GRIN2B: variants seen among roughly 807,000 people sequenced by gnomAD.
GRIN2B encodes glutamate receptor ionotropic, NMDA 2B.
A neutral mutation model predicts 114.5 loss-of-function variants in GRIN2B; 5 were observed. The observed-to-expected ratio is 0.04, with a 90% CI of 0.02 to 0.09. GRIN2B has a LOEUF of 0.09. Ranked by LOEUF, GRIN2B falls within the 10% of genes least tolerant of loss-of-function variation. The pLI, the probability that GRIN2B is intolerant of heterozygous loss-of-function variation, is 1.00. For synonymous variants in GRIN2B, 787 were observed against 745.1 expected, an observed-to-expected ratio of 1.06 and a Z score of -0.92; for missense variants, 1,108 against 1,943.5, an observed-to-expected ratio of 0.57 and a Z score of 8.08.
chr12:13,879,518 T>TA (rs55823008), intron 2 of GRIN2B, among the ~76,000 whole-genome samples: 6,079 of 139,734 alleles, frequency 0.044, 183 homozygotes, highest in African/African-American at 0.08. Flanking sequence ...TTAGAATTAG[T>TA]AAAAAAAAAA....
At chr12:13,961,280 G>C (rs1204496225) in intron 2 of GRIN2B, among the ~76,000 whole-genome samples, 2 of 152,032 alleles carry the variant, frequency 1.3e-5, no homozygotes, top group Admixed American at 1.3e-4. Flanking sequence ...CACACTGAGA[G>C]GTAAGGTCAG....
intron 2 of GRIN2B, among the ~76,000 whole-genome samples, chr12:13,866,579 A>G (rs1865832539): frequency 6.6e-6 from 1 of 152,182 alleles, no homozygotes. Flanking sequence ...CCACCCTTGT[A>G]CTGTTCTTGG....
intron 4 of GRIN2B, among the ~76,000 whole-genome samples, chr12:13,688,198 G>C (rs561907613): frequency 6.6e-6 from 1 of 152,286 alleles, no homozygotes; most frequent in South Asian, 2.1e-4. Flanking sequence ...GCAATGGTCA[G>C]TAGAGAAGAA....
In GRIN2B at chr12:13,563,553, C is replaced by T. The variant is rs1948582128; in HGVS notation, c.3685G>A (p.Val1229Met). Residue 1229 changes from valine (V) to methionine (M), a missense_variant, in exon 14 of 14, where the codon GTG becomes ATG. Around this residue, in one of 19 missense-constraint regions of GRIN2B, gnomAD observed 478 missense variants for 506.0 expected, o/e 0.94. Transcript: ENST00000609686. ...PSKLHNYSTTVTGQNSGRQAC... is the reference protein window; with the variant it reads ...PSKLHNYSTTMTGQNSGRQAC... ...TGCCTGCCCGAGTTCTGACCCGTCA[C>T]CGTCGTGGAGTAGTTGTGCAGCTTG... The T allele has an allele frequency of 2.5e-6, 4 of 1,614,038 alleles. No individual in the cohort carries two copies. The Admixed American group carries it at 6.7e-5, about 27-fold the overall frequency.
chr12:13,839,666 G>T (rs1453856886), intron 3 of GRIN2B, among the ~76,000 whole-genome samples: 1 of 152,160 alleles, frequency 6.6e-6, no homozygotes, highest in East Asian at 1.9e-4. Flanking sequence ...GGAAGCCCCA[G>T]GTGTCAGACA....
chr12:13,714,119 G>A (rs965862962), intron 4 of GRIN2B, among the ~76,000 whole-genome samples: 1 of 151,786 alleles, frequency 6.6e-6, no homozygotes, highest in Non-Finnish European at 1.5e-5. Flanking sequence ...AAGTGGGAGG[G>A]CATAAGATTC....
chr12:13,970,686 A>ACAC (rs1555163300), intron 2 of GRIN2B, among the ~76,000 whole-genome samples: 2 of 145,052 alleles, frequency 1.4e-5, no homozygotes, highest in African/African-American at 2.6e-5. Context: ...GCAGGCTCTA[A>ACAC]ACACACACAC....
chr12:13,822,603 C>T (rs550579938), intron 3 of GRIN2B, among the ~76,000 whole-genome samples: 3 of 151,964 alleles, frequency 2.0e-5, no homozygotes, highest in Non-Finnish European at 2.9e-5. Context: ...AAGCACTTTA[C>T]AACACCTCTG....
At position 13,844,195 on chromosome 12, in the gene GRIN2B, G is replaced by A. The variant is rs111935876; in HGVS notation, c.411+21603C>T. ...GAGGGGACGGATAAGGTGAGAGGCTGTAGACTTAACTTGGTCATATTTGGC... is the reference window on the plus strand; with the variant it reads ...GAGGGGACGGATAAGGTGAGAGGCTATAGACTTAACTTGGTCATATTTGGC... On this transcript the variant is annotated intron_variant, in intron 3 of 13. Transcript: ENST00000609686. Among the ~76,000 whole-genome samples, 1,006 of 152,328 alleles carry A rather than the reference G, an allele frequency of 6.6e-3. 11 individuals are homozygous for A. Among genetic ancestry groups the A allele is most frequent in the African/African-American group, 0.023 (957 of 41,576 alleles).
intron 5 of GRIN2B, among the ~76,000 whole-genome samples, chr12:13,653,120 A>G (rs1949831815): frequency 6.6e-6 from 1 of 152,176 alleles, no homozygotes; most frequent in South Asian, 2.1e-4. Context: ...GATAAAAGAG[A>G]AAATAAAGAA....
Position 13,615,538 on chromosome 12 carries a change from C to T in GRIN2B, c.1455G>A (p.Lys485=), listed in dbSNP as rs1565477764. The T allele has an allele frequency of 2.5e-6, 4 of 1,613,660 alleles. 1 individual carries two copies. The South Asian group carries it at 4.4e-5, about 18-fold the overall frequency. Residue 485 remains lysine (K), a synonymous_variant, in exon 7 of 14, where the codon AAG becomes AAA. Transcript: ENST00000609686. This position sits in a 1 kb window ranked among gnomAD's most constrained non-coding sequence, Gnocchi z 5.8. ...AGGTTCCATTGATTTTCTTCCCATG[C>T]TTGCCATTGGTAACCAGGTAAAGGT... ...TYDLYLVTNG[K]HGKKINGTWN...
Position 13,753,157 on chromosome 12 carries a change from A to T in GRIN2B, c.1010+160T>A, listed in dbSNP as rs772728926. 6.6e-6 allele frequency among the ~76,000 whole-genome samples: 1 copy of T among 152,212 alleles called. No homozygotes were observed. The highest frequency in any genetic ancestry group is 1.5e-5 in the Non-Finnish European group (1 of 68,030). On this transcript the variant is annotated intron_variant, in intron 4 of 13. Transcript: ENST00000609686. This position sits in a 1 kb window ranked among gnomAD's most constrained non-coding sequence, Gnocchi z 6.2. Reference sequence around the variant, plus strand: ...AAGTTGTTTTGGCAAGGTTGGATCCAAAACACTCCCCCAATCATGACCAAT... The same window carrying T: ...AAGTTGTTTTGGCAAGGTTGGATCCTAAACACTCCCCCAATCATGACCAAT...
chr12:13,721,586 G>A (rs1443451529), intron 4 of GRIN2B, among the ~76,000 whole-genome samples: 1 of 151,990 alleles, frequency 6.6e-6, no homozygotes, highest in Non-Finnish European at 1.5e-5. Flanking sequence ...ACTAGAAAAG[G>A]AGCAATTTGA....
chr12:13,563,890 G>C lies in GRIN2B; in HGVS notation c.3348C>G (p.Ser1116=). 6.2e-7 allele frequency: 1 copy of C among 1,614,122 alleles called. No individual in the cohort carries two copies. The highest frequency in any genetic ancestry group is 1.1e-5 in the South Asian group (1 of 91,090). ...CCCTGAAGTAGCGCTTGTGGTCAGG[G>C]GAGCGGGGCGGTCGGCGACGGTAGG... is the stretch of plus-strand genomic sequence containing the variant. ...ELAYRRRPPR[S]PDHKRYFRDK... is the part of the protein sequence containing the mutation. The change falls in exon 14 of 14, where the codon TCC becomes TCG. Residue 1116 remains serine (S), a synonymous_variant. Coordinates refer to ENST00000609686, the MANE Select transcript of GRIN2B (RefSeq NM_000834.5).
At chr12:13,787,350 C>G (rs1864238890) in intron 3 of GRIN2B, among the ~76,000 whole-genome samples, 1 of 152,152 alleles carries the variant, frequency 6.6e-6, no homozygotes, top group Non-Finnish European at 1.5e-5. Context: ...AAGGAAATGG[C>G]AAGTACAATG....
intron 5 of GRIN2B, among the ~76,000 whole-genome samples, chr12:13,631,821 G>A (rs1472018185): frequency 6.6e-6 from 1 of 152,234 alleles, no homozygotes; most frequent in East Asian, 1.9e-4. Context: ...GGGGTTGCCA[G>A]CTTGTGGCTA....
intron 4 of GRIN2B, among the ~76,000 whole-genome samples, chr12:13,693,181 T>C (rs987807513): frequency 1.3e-5 from 2 of 152,150 alleles, no homozygotes; most frequent in East Asian, 1.9e-4. Flanking sequence ...AGAGAGATAC[T>C]ATAGGAACTT....
At chr12:13,890,398 G>T (rs550972513) in intron 2 of GRIN2B, among the ~76,000 whole-genome samples, 1 of 152,194 alleles carries the variant, frequency 6.6e-6, no homozygotes, top group South Asian at 2.1e-4. Context: ...GCCATATTGG[G>T]GATCTGTAAG....
At chr12:13,774,955 A>G (rs541356541) in intron 3 of GRIN2B, among the ~76,000 whole-genome samples, 2 of 152,292 alleles carry the variant, frequency 1.3e-5, no homozygotes, top group South Asian at 4.1e-4. Context: ...ATGAATCAGG[A>G]AAGTTCCCAT....
Sources: allele counts gnomAD v4.1 joint callset (sites outside exome capture counted in the v4.1 genomes callset), GRCh38; gene constraint gnomAD v4.1.1; regional missense constraint gnomAD v4.1.1; non-coding constraint Gnocchi (gnomAD v3.1); transcripts MANE v1.5; gene names NCBI Gene and HGNC (gene_info 2026-07-23, HGNC 2026-07-21).